LANCL2: variants seen among roughly 807,000 people sequenced by gnomAD.
LANCL2 encodes lanC-like protein 2.
LANCL2 carries 33 observed loss-of-function variants against 56.9 expected under a neutral mutation model. The ratio of observed to expected loss-of-function variants is 0.58; its 90% CI spans 0.44 to 0.78. The LOEUF is 0.78. Ranked by LOEUF, LANCL2 falls within the 30% of genes least tolerant of loss-of-function variation. The pLI is 0.00. For missense variants in LANCL2, 562 were observed against 580.2 expected, an observed-to-expected ratio of 0.97 and a Z score of 0.32; for synonymous variants, 233 against 228.2, an observed-to-expected ratio of 1.02 and a Z score of -0.19.
intron 2 of LANCL2, among the ~76,000 whole-genome samples, chr7:55,393,215 G>T (rs917597753): frequency 1.3e-5 from 2 of 152,124 alleles, no homozygotes; most frequent in African/African-American, 4.8e-5. Flanking sequence ...GTGATTTCTT[G>T]CTGAATTCTT....
chr7:55,369,589 A>G (rs1437454304), intron 1 of LANCL2, among the ~76,000 whole-genome samples: 1 of 152,130 alleles, frequency 6.6e-6, no homozygotes, highest in Non-Finnish European at 1.5e-5. Flanking sequence ...ACTCTTAGTT[A>G]CTCATCTAAC....
chr7:55,425,184 A>G, intron 6 of LANCL2, 70 bp from the exon 7 acceptor site: 1 of 1,484,138 alleles, frequency 6.7e-7, no homozygotes, highest in Non-Finnish European at 9.3e-7. Flanking sequence ...CTAACCAGAA[A>G]GGGAAAGTAT....
chr7:55,391,429 A>G (rs1224719704), intron 1 of LANCL2, among the ~76,000 whole-genome samples: 1 of 152,056 alleles, frequency 6.6e-6, no homozygotes, highest in Non-Finnish European at 1.5e-5. Flanking sequence ...CTTATATTCT[A>G]TGTATTTCCC....
At chr7:55,400,244 C>T in intron 4 of LANCL2, 140 bp downstream of exon 4, 1 of 609,678 alleles carries the variant, frequency 1.6e-6, no homozygotes, top group Non-Finnish European at 2.5e-6. Context: ...GAAATAGTCC[C>T]TGCTTTTTTC....
chr7:55,372,710 A>C (rs1789956857), intron 1 of LANCL2, among the ~76,000 whole-genome samples: 1 of 152,218 alleles, frequency 6.6e-6, no homozygotes, highest in African/African-American at 2.4e-5. Flanking sequence ...TTAGAGTATA[A>C]AATGTGATAA....
intron 3 of LANCL2, among the ~76,000 whole-genome samples, chr7:55,399,127 G>A (rs933534525): frequency 6.6e-6 from 1 of 152,084 alleles, no homozygotes; most frequent in Non-Finnish European, 1.5e-5. Context: ...ATAGGATGAC[G>A]CTGGGTATAG....
At chr7:55,373,362 C>T (rs1307489543) in intron 1 of LANCL2, among the ~76,000 whole-genome samples, 1 of 152,000 alleles carries the variant, frequency 6.6e-6, no homozygotes, top group African/African-American at 2.4e-5. Flanking sequence ...ACAATCATAG[C>T]TCACTGCAGC....
At chr7:55,427,160 G>A (rs996185575) in intron 7 of LANCL2, among the ~76,000 whole-genome samples, 15 of 152,342 alleles carry the variant, frequency 9.8e-5, no homozygotes, top group African/African-American at 2.6e-4. Flanking sequence ...GCCAGAGAAA[G>A]TTAGTTCTTC....
chr7:55,370,704 T>G (rs763184530), intron 1 of LANCL2, among the ~76,000 whole-genome samples: 1 of 152,068 alleles, frequency 6.6e-6, no homozygotes, highest in Non-Finnish European at 1.5e-5. Flanking sequence ...AAAGATTAAG[T>G]GGGGGTTTTC....
chr7:55,385,721 T>G (rs181695410), intron 1 of LANCL2, among the ~76,000 whole-genome samples: 3 of 152,194 alleles, frequency 2.0e-5, no homozygotes, highest in Non-Finnish European at 4.4e-5. Context: ...TCGGGCACCA[T>G]TGTCATTGAT....
At chr7:55,419,400 CTTTT>C (rs1156534780) in intron 6 of LANCL2, among the ~76,000 whole-genome samples, 1 of 109,092 alleles carries the variant, frequency 9.2e-6, no homozygotes. Flanking sequence ...TGTTCTTTTC[CTTTT>C]TTTTTTTTTT....
chr7:55,371,259 G>C (rs1789940618), intron 1 of LANCL2, among the ~76,000 whole-genome samples: 1 of 151,924 alleles, frequency 6.6e-6, no homozygotes, highest in Admixed American at 6.5e-5. Context: ...TTTTTTTCGA[G>C]ACAGGGTCTC....
intron 1 of LANCL2, among the ~76,000 whole-genome samples, chr7:55,388,294 C>T (rs1054094868): frequency 9.2e-5 from 14 of 152,110 alleles, no homozygotes; most frequent in Non-Finnish European, 2.1e-4. Context: ...ATCTGTAATC[C>T]CAGCCCTTTG....
intron 1 of LANCL2, among the ~76,000 whole-genome samples, chr7:55,379,346 A>G (rs1018329623): frequency 6.6e-6 from 1 of 152,172 alleles, no homozygotes; most frequent in African/African-American, 2.4e-5. Context: ...TGTCTTTTTT[A>G]TCATGAAAAA....
At chr7:55,383,832 G>A (rs1041739302) in intron 1 of LANCL2, among the ~76,000 whole-genome samples, 1 of 138,294 alleles carries the variant, frequency 7.2e-6, no homozygotes, top group African/African-American at 2.4e-5. Context: ...GTGAGACTTC[G>A]TCTCTCTCTA....
At chr7:55,426,484 A>G (rs1455563493) in intron 7 of LANCL2, among the ~76,000 whole-genome samples, 1 of 152,192 alleles carries the variant, frequency 6.6e-6, no homozygotes, top group Non-Finnish European at 1.5e-5. Context: ...TACTTTTTGA[A>G]CATCTATTAC....
chr7:55,416,969 G>GTTT (rs869116156), intron 6 of LANCL2, among the ~76,000 whole-genome samples: 37 of 81,656 alleles, frequency 4.5e-4, no homozygotes, highest in Admixed American at 7.8e-4. Context: ...AAACGAGGTG[G>GTTT]TTTTTTTTTT....
intron 5 of LANCL2, among the ~76,000 whole-genome samples, chr7:55,410,523 G>A (rs1282624181): frequency 6.6e-6 from 1 of 152,182 alleles, no homozygotes; most frequent in Non-Finnish European, 1.5e-5. Flanking sequence ...TGGTGCTTAT[G>A]GAATGATGAG....
chr7:55,383,611 C>T (rs1308616895), intron 1 of LANCL2, among the ~76,000 whole-genome samples: 2 of 152,196 alleles, frequency 1.3e-5, no homozygotes, highest in Non-Finnish European at 2.9e-5. Context: ...ATAAACATTT[C>T]TGGAGCTGCT....
Sources: gnomAD v4.1 joint callset for allele counts (sites outside exome capture counted in the v4.1 genomes callset) on GRCh38, gnomAD v4.1.1 for gene constraint, MANE v1.5 for transcripts, NCBI Gene and HGNC (gene_info 2026-07-23, HGNC 2026-07-21) for gene names.